The following CSMD2 variants were observed in gnomAD, a reference collection of about 807,000 sequenced individuals.
CSMD2 encodes CUB and sushi domain-containing protein 2.
In CSMD2, 130 loss-of-function variants were observed where a neutral mutation model predicts 398.5. The ratio of observed to expected loss-of-function variants is 0.33; its 90% CI spans 0.28 to 0.38. The LOEUF (loss-of-function observed/expected upper bound fraction) is 0.38, where lower values mean the gene tolerates loss of function less well. CSMD2 is among the 10% of genes least tolerant of loss of function. The pLI is 1.00. For synonymous variants in CSMD2, 1,828 were observed against 1,908.5 expected (o/e 0.96, Z 1.10); for missense variants, 3,829 against 4,764.9 (o/e 0.80, Z 5.78).
intron 44 of CSMD2, among the ~76,000 whole-genome samples, chr1:33,597,958 G>C (rs1333439593): frequency 6.6e-6 from 1 of 152,196 alleles, no homozygotes; most frequent in East Asian, 1.9e-4. Context: ...TGAGTGAGAA[G>C]AGCAGGTCAC....
chr1:33,990,286 G>C (rs1646505750), intron 3 of CSMD2, among the ~76,000 whole-genome samples: 1 of 152,088 alleles, frequency 6.6e-6, no homozygotes, highest in Admixed American at 6.6e-5. Flanking sequence ...AAAAAATTTA[G>C]ACTAGGTATC....
In CSMD2 at chr1:33,569,466, A is replaced by T. The variant is rs1045768589; in HGVS notation, c.8039T>A (p.Phe2680Tyr). 2.5e-6 allele frequency: 4 copies of T among 1,613,962 alleles called. No individual in the cohort carries two copies. In the African/African-American group the frequency reaches 5.3e-5, roughly 22 times the overall value. The change falls in exon 52 of 71, where the codon TTC becomes TAC. Residue 2680 changes from phenylalanine to tyrosine, a missense_variant. Coordinates refer to ENST00000373381, the MANE Select transcript of CSMD2 (RefSeq NM_001281956.2). ...CAGTGTGTATCCGGAATTGCAGGAG[A>T]AGATGGCTGTTGCCCCGTAGACAGA... ...TLSVYGATAI[F>Y]SCNSGYTLVG...
Position 33,622,227 on chromosome 1 carries a change from A to G in CSMD2, c.5767T>C (p.Tyr1923His). Residue 1923 changes from tyrosine (Y) to histidine (H), a missense_variant, in exon 37 of 71, where the codon TAC (tyrosine) becomes CAC (histidine). Physicochemically the swap from Tyr to His is moderately conservative, Grantham distance 83. Around this residue, in one of 5 missense-constraint regions of CSMD2, gnomAD observed 2,001 missense variants for 2,567.1 expected, o/e 0.78. Coordinates refer to ENST00000373381, the MANE Select transcript of CSMD2 (RefSeq NM_001281956.2). Reference protein sequence around the residue: ...ALLNSTSNQLYLHFYSDISVS... With the variant: ...ALLNSTSNQLHLHFYSDISVS... ...CTGATATCTGAGTAGAAATGAAGGT[A>G]GAGCTGGTTGGAGGTGCTGTTCAGA... is the stretch of plus-strand genomic sequence containing the variant. 1 of 1,612,958 alleles carries G rather than the reference A, an allele frequency of 6.2e-7. No homozygotes were observed. Among genetic ancestry groups the G allele is most frequent in the Non-Finnish European group, 8.5e-7 (1 of 1,178,904 alleles).
At chr1:33,935,613 C>G (rs1439964552) in intron 4 of CSMD2, 147 bp downstream of exon 4, 5 of 785,248 alleles carry the variant, frequency 6.4e-6, no homozygotes, top group Non-Finnish European at 9.8e-6. Context: ...CTTGAGGACC[C>G]TGAAAACCCT....
At chr1:33,936,062 TCATTTCTTCTTCTGTGAACAG>T (rs1644471829) in intron 3 of CSMD2, 108 bp from the exon 4 acceptor site, 1 of 853,836 alleles carries the variant, frequency 1.2e-6, no homozygotes, top group East Asian at 2.6e-5. Context: ...TTCCTGGAAC[TCATTTCTTCTTCTGTGAACAG>T]CATTGCCCAC....
intron 9 of CSMD2, 65 bp downstream of exon 9, chr1:33,819,648 T>C (rs1657876614): frequency 6.6e-7 from 1 of 1,511,878 alleles, no homozygotes; most frequent in East Asian, 2.3e-5. Flanking sequence ...TGCTGGGAGC[T>C]GGGCTTCAGC....
intron 9 of CSMD2, among the ~76,000 whole-genome samples, chr1:33,811,338 C>T (rs760279571): frequency 1.3e-5 from 2 of 152,220 alleles, no homozygotes; most frequent in African/African-American, 4.8e-5. Context: ...TGCTGCTTAA[C>T]TAGGAGTCTG....
At chr1:33,876,871 C>T (rs920972022) in intron 5 of CSMD2, among the ~76,000 whole-genome samples, 2 of 152,112 alleles carry the variant, frequency 1.3e-5, no homozygotes, top group Non-Finnish European at 1.5e-5. Flanking sequence ...GGCTCTGGTC[C>T]GGAGAGCATT....
At chr1:33,917,259 C>T (rs747529512) in intron 5 of CSMD2, among the ~76,000 whole-genome samples, 8 of 152,218 alleles carry the variant, frequency 5.3e-5, no homozygotes, top group South Asian at 4.1e-4. Flanking sequence ...AAGGCTCCAA[C>T]GATGCCCCAT....
chr1:34,051,360 T>C (rs1301871430), intron 2 of CSMD2, among the ~76,000 whole-genome samples: 1 of 152,168 alleles, frequency 6.6e-6, no homozygotes, highest in African/African-American at 2.4e-5. Flanking sequence ...TGTGACCACA[T>C]AGCCAGTTAC....
At chr1:34,010,436 T>C (rs529420831) in intron 3 of CSMD2, among the ~76,000 whole-genome samples, 1 of 152,324 alleles carries the variant, frequency 6.6e-6, no homozygotes, top group East Asian at 1.9e-4. Flanking sequence ...TTATGTCCTT[T>C]TAACAGTAAC....
chr1:33,603,055 A>G (rs1441750718), intron 42 of CSMD2, among the ~76,000 whole-genome samples: 1 of 152,096 alleles, frequency 6.6e-6, no homozygotes, highest in East Asian at 1.9e-4. Flanking sequence ...TGAACGATGT[A>G]TTGAGCAGAT....
chr1:34,054,806 T>G (rs562968105), intron 2 of CSMD2, among the ~76,000 whole-genome samples: 1 of 152,236 alleles, frequency 6.6e-6, no homozygotes, highest in African/African-American at 2.4e-5. Context: ...TTGTCTCTTA[T>G]CGTGTGAGCT....
At chr1:33,897,991 T>A (rs1462275380) in intron 5 of CSMD2, among the ~76,000 whole-genome samples, 1 of 152,156 alleles carries the variant, frequency 6.6e-6, no homozygotes, top group Non-Finnish European at 1.5e-5. Context: ...GGGTTCCTAG[T>A]CACTTTGTAA....
At chr1:33,738,928 A>C (rs1013791034) in intron 15 of CSMD2, among the ~76,000 whole-genome samples, 2 of 152,160 alleles carry the variant, frequency 1.3e-5, no homozygotes, top group African/African-American at 4.8e-5. Flanking sequence ...CCGTTTCTCT[A>C]CTTTAATCTC....
intron 6 of CSMD2, among the ~76,000 whole-genome samples, chr1:33,837,514 A>G (rs1407981720): frequency 1.3e-5 from 2 of 152,258 alleles, no homozygotes; most frequent in African/African-American, 2.4e-5. Flanking sequence ...GGCTGGCTCA[A>G]TGGTCTGGCT....
intron 2 of CSMD2, among the ~76,000 whole-genome samples, chr1:34,044,690 TC>T (rs1174255299): frequency 6.6e-6 from 1 of 152,196 alleles, no homozygotes; most frequent in African/African-American, 2.4e-5. Flanking sequence ...GCATGTCTCT[TC>T]TTTGCAATCT....
chr1:33,601,066 C>T, intron 43 of CSMD2, 56 bp from the exon 44 acceptor site: 2 of 1,606,950 alleles, frequency 1.2e-6, no homozygotes, highest in Non-Finnish European at 1.7e-6. Flanking sequence ...CTGCCTGCTC[C>T]ACTTGGTGCC....
At chr1:34,094,295 T>A (rs1479814294) in intron 1 of CSMD2, among the ~76,000 whole-genome samples, 1 of 152,094 alleles carries the variant, frequency 6.6e-6, no homozygotes, top group Non-Finnish European at 1.5e-5. Flanking sequence ...TAGCAGCCAC[T>A]GCAAAATCAT....
Sources: gnomAD v4.1 joint callset for allele counts (sites outside exome capture counted in the v4.1 genomes callset) on GRCh38, gnomAD v4.1.1 for gene constraint, gnomAD v4.1.1 regional missense constraint, MANE v1.5 for transcripts, NCBI Gene and HGNC (gene_info 2026-07-23, HGNC 2026-07-21) for gene names.